Variants in LRRC7 observed in about 807,000 individuals in gnomAD.
LRRC7 encodes leucine-rich repeat-containing protein 7.
LRRC7 carries 23 observed loss-of-function variants against 175.7 expected under a neutral mutation model. The observed-to-expected ratio is 0.13, with a 90% CI of 0.09 to 0.19. LRRC7 has a LOEUF of 0.19. Among genes scored for constraint, LRRC7 ranks in the 10% least tolerant of loss-of-function variants. The pLI, the probability that LRRC7 is intolerant of heterozygous loss-of-function variation, is 1.00. For synonymous variants in LRRC7, 685 were observed against 680.9 expected, an observed-to-expected ratio of 1.01 and a Z score of -0.09; for missense variants, 1,354 against 1,904.7, an observed-to-expected ratio of 0.71 and a Z score of 5.38.
intron 11 of LRRC7, among the ~76,000 whole-genome samples, chr1:70,010,480 A>C (rs534610916): frequency 1.3e-5 from 2 of 152,230 alleles, no homozygotes; most frequent in South Asian, 4.1e-4. Flanking sequence ...CAGGAGCATC[A>C]CTTGAACCCA....
chr1:69,916,172 TA>T (rs1646701345), intron 7 of LRRC7, among the ~76,000 whole-genome samples: 2 of 119,616 alleles, frequency 1.7e-5, no homozygotes, highest in African/African-American at 5.8e-5. Flanking sequence ...TTTATATATA[TA>T]ATATATATTA....
intron 2 of LRRC7, among the ~76,000 whole-genome samples, chr1:69,741,397 A>G (rs185867732): frequency 1.2e-4 from 18 of 151,946 alleles, no homozygotes; most frequent in Non-Finnish European, 4.4e-5. Context: ...ATAATCCAGT[A>G]GGTGACATGT....
At chr1:69,699,797 C>T (rs1217739851) in intron 2 of LRRC7, among the ~76,000 whole-genome samples, 4 of 152,186 alleles carry the variant, frequency 2.6e-5, no homozygotes, top group South Asian at 2.1e-4. Context: ...TTGCTTTCAG[C>T]ATGGAGATAA....
intron 1 of LRRC7, among the ~76,000 whole-genome samples, chr1:69,649,265 T>C (rs1009798066): frequency 1.3e-5 from 2 of 152,240 alleles, no homozygotes; most frequent in Admixed American, 6.5e-5. Context: ...CTTCATAAAG[T>C]ACCTACAATA....
intron 5 of LRRC7, among the ~76,000 whole-genome samples, chr1:69,826,628 G>A (rs1479631890): frequency 6.6e-6 from 1 of 151,934 alleles, no homozygotes; most frequent in Non-Finnish European, 1.5e-5. Context: ...CAGTTGTATT[G>A]GGCTGCAAAA....
At chr1:70,107,927 C>A in intron 26 of LRRC7, 101 bp downstream of exon 26, 1 of 1,056,864 alleles carries the variant, frequency 9.5e-7, no homozygotes, top group Non-Finnish European at 1.4e-6. Context: ...GAAAATAAGT[C>A]CTTCTCACAT....
At chr1:69,881,147 A>G (rs537741292) in intron 7 of LRRC7, among the ~76,000 whole-genome samples, 2 of 152,328 alleles carry the variant, frequency 1.3e-5, no homozygotes, top group East Asian at 3.9e-4. Flanking sequence ...AAGCGGGACT[A>G]TGTCTTATTC....
intron 18 of LRRC7, 142 bp from the exon 19 acceptor site, chr1:70,035,979 T>G (rs1659276332): frequency 1.7e-6 from 1 of 576,070 alleles, no homozygotes; most frequent in East Asian, 3.2e-5. Flanking sequence ...GAGATACATA[T>G]GGTTTATTTC....
intron 2 of LRRC7, among the ~76,000 whole-genome samples, chr1:69,746,742 A>G (rs952774619): frequency 1.3e-5 from 2 of 152,156 alleles, no homozygotes; most frequent in Non-Finnish European, 2.9e-5. Context: ...TAATAAGTCT[A>G]TGCCAGAGTT....
chr1:69,677,984 A>T, intron 1 of LRRC7, among the ~76,000 whole-genome samples: 1 of 151,954 alleles, frequency 6.6e-6, no homozygotes, highest in Non-Finnish European at 1.5e-5. Flanking sequence ...CTCTTCCTAT[A>T]AAGACACTAA....
rs1238963945 is a variant in LRRC7, at chr1:69,640,380, T to A, written c.3-38001T>A. 2.0e-5 allele frequency among the ~76,000 whole-genome samples: 3 copies of A among 151,718 alleles called. No homozygotes were observed. The East Asian group carries it at 5.8e-4, about 29-fold the overall frequency. On this transcript the variant is annotated intron_variant, in intron 1 of 26. Transcript: ENST00000651989. Reference sequence around the variant, plus strand: ...TATAAACAGTGTAAACTTTTTGACTTGTGTAATAGATACTTTTTGACTTGT... The same window carrying A: ...TATAAACAGTGTAAACTTTTTGACTAGTGTAATAGATACTTTTTGACTTGT...
intron 8 of LRRC7, among the ~76,000 whole-genome samples, chr1:69,931,949 G>A (rs1012063099): frequency 4.6e-5 from 7 of 152,162 alleles, no homozygotes; most frequent in African/African-American, 1.2e-4. Flanking sequence ...TGCAAAGACC[G>A]TACCTTGAAA....
chr1:69,780,126 CA>C (rs1476460809), intron 3 of LRRC7, among the ~76,000 whole-genome samples: 1 of 152,124 alleles, frequency 6.6e-6, no homozygotes, highest in Admixed American at 6.6e-5. Context: ...AAATGTTTCT[CA>C]AAAACAAAAA....
chr1:69,845,665 A>G (rs1682276356), intron 7 of LRRC7, among the ~76,000 whole-genome samples: 1 of 152,110 alleles, frequency 6.6e-6, no homozygotes, highest in Non-Finnish European at 1.5e-5. Flanking sequence ...GTGTTCTATT[A>G]ATGAATTTAT....
rs139734416 is a variant in LRRC7, at chr1:70,136,978, G to A, written c.*15091G>A. On this transcript the variant is annotated 3_prime_UTR_variant, in exon 27 of 27. Coordinates refer to ENST00000651989, the MANE Select transcript of LRRC7 (RefSeq NM_001370785.2). ...GAGCTCAAGTGATCCTCCCACCTCAGCCTCCCAAAGTGCTGGGATGATAGG... is the reference window on the plus strand; with the variant it reads ...GAGCTCAAGTGATCCTCCCACCTCAACCTCCCAAAGTGCTGGGATGATAGG... Among the ~76,000 whole-genome samples the A allele has an allele frequency of 5.1e-4, 78 of 152,034 alleles. No homozygotes were observed. Among genetic ancestry groups the A allele is most frequent in the African/African-American group, 1.9e-3 (77 of 41,482 alleles).
At chr1:69,642,523 C>A (rs988801213) in intron 1 of LRRC7, among the ~76,000 whole-genome samples, 7 of 151,952 alleles carry the variant, frequency 4.6e-5, no homozygotes, top group African/African-American at 1.7e-4. Context: ...AGAATCTGTT[C>A]ATGAGGAGTT....
intron 7 of LRRC7, among the ~76,000 whole-genome samples, chr1:69,876,400 A>G (rs1686046734): frequency 6.6e-6 from 1 of 152,172 alleles, no homozygotes; most frequent in Admixed American, 6.6e-5. Context: ...AGCAATCAAT[A>G]TAAGTTAATA....
At chr1:70,086,797 T>C (rs964063164) in intron 24 of LRRC7, among the ~76,000 whole-genome samples, 3 of 152,106 alleles carry the variant, frequency 2.0e-5, no homozygotes, top group South Asian at 4.1e-4. Flanking sequence ...AATAAGCTAT[T>C]TATTAGCTTC....
chr1:69,863,247 C>A (rs898588249), intron 7 of LRRC7, among the ~76,000 whole-genome samples: 3 of 152,202 alleles, frequency 2.0e-5, no homozygotes, highest in African/African-American at 7.2e-5. Context: ...TCACTTACTG[C>A]AAAAGGTCTT....
Sources: allele counts gnomAD v4.1 joint callset (sites outside exome capture counted in the v4.1 genomes callset), GRCh38; gene constraint gnomAD v4.1.1; transcripts MANE v1.5; gene names NCBI Gene and HGNC (gene_info 2026-07-23, HGNC 2026-07-21).